NTNG1: variants seen among roughly 807,000 people sequenced by gnomAD.
NTNG1 encodes netrin G1.
In NTNG1, 16 loss-of-function variants were observed where a neutral mutation model predicts 54.0. The ratio of observed to expected loss-of-function variants is 0.30; its 90% CI spans 0.20 to 0.45. The LOEUF is 0.45. Ranked by LOEUF, NTNG1 falls within the 20% of genes least tolerant of loss-of-function variation. The probability of loss-of-function intolerance (pLI) is 1.00; values close to 1 mark genes in which losing one functional copy is unlikely to be tolerated. For missense variants in NTNG1, 530 were observed against 678.7 expected, an observed-to-expected ratio of 0.78 and a Z score of 2.43; for synonymous variants, 255 against 263.1, an observed-to-expected ratio of 0.97 and a Z score of 0.30.
In NTNG1 at chr1:107,436,652, C is replaced by T; in HGVS notation, c.1256-13C>T. 1 of 1,611,082 alleles carries T rather than the reference C, an allele frequency of 6.2e-7. No homozygotes were observed. Among genetic ancestry groups the T allele is most frequent in the Non-Finnish European group, 8.5e-7 (1 of 1,178,300 alleles). The stretch of plus-strand genomic sequence containing the variant: ...GACTTGTCTCCAGCCTGTGTGTTGT[C>T]TTGTTTCTACAGAGTGTTATTGTAA... On this transcript the variant is annotated splice_polypyrimidine_tract_variant and intron_variant, in intron 6 of 7. Transcript: ENST00000370068.
chr1:107,176,836 C>A (rs140873928), intron 2 of NTNG1, among the ~76,000 whole-genome samples: 1 of 152,158 alleles, frequency 6.6e-6, no homozygotes, highest in South Asian at 2.1e-4. Context: ...AACAAATATA[C>A]GTAGTCTAAA....
intron 7 of NTNG1, among the ~76,000 whole-genome samples, chr1:107,460,812 C>T (rs1196081933): frequency 6.6e-6 from 1 of 152,200 alleles, no homozygotes; most frequent in Non-Finnish European, 1.5e-5. Flanking sequence ...TAAAACAACA[C>T]TGCTGTGACA....
At chr1:107,155,523 A>G (rs1654922344) in intron 2 of NTNG1, among the ~76,000 whole-genome samples, 1 of 152,028 alleles carries the variant, frequency 6.6e-6, no homozygotes, top group Non-Finnish European at 1.5e-5. Flanking sequence ...ACTGTACTCC[A>G]CCATTTAGCA....
At chr1:107,151,520 T>A (rs79150696) in intron 2 of NTNG1, among the ~76,000 whole-genome samples, 7,340 of 152,208 alleles carry the variant, frequency 0.048, 569 homozygotes, top group African/African-American at 0.17. Flanking sequence ...AGCCCCTATA[T>A]GTAAATGTTT....
chr1:107,441,796 T>C (rs1675982298), intron 7 of NTNG1, among the ~76,000 whole-genome samples: 1 of 152,090 alleles, frequency 6.6e-6, no homozygotes. Context: ...TATGCAGGTG[T>C]TATGAAGACA....
At chr1:107,457,687 A>G (rs957203350) in intron 7 of NTNG1, among the ~76,000 whole-genome samples, 1 of 152,146 alleles carries the variant, frequency 6.6e-6, no homozygotes, top group African/African-American at 2.4e-5. Context: ...ACATTCTTTT[A>G]TAAATATTAC....
chr1:107,479,430 G>A (rs1678549869), intron 7 of NTNG1, among the ~76,000 whole-genome samples: 1 of 152,180 alleles, frequency 6.6e-6, no homozygotes, highest in Non-Finnish European at 1.5e-5. Context: ...GTATATGAGT[G>A]TGTAGTGTGT....
At chr1:107,191,249 C>A (rs1424286398) in intron 2 of NTNG1, among the ~76,000 whole-genome samples, 1 of 152,090 alleles carries the variant, frequency 6.6e-6, no homozygotes, top group South Asian at 2.1e-4. Flanking sequence ...CTGTTCATAT[C>A]CTTTGCCCAC....
chr1:107,158,025 G>A (rs949207029), intron 2 of NTNG1, among the ~76,000 whole-genome samples: 1 of 152,100 alleles, frequency 6.6e-6, no homozygotes, highest in African/African-American at 2.4e-5. Context: ...CTGAGTGCCT[G>A]CTTCTGTCTT....
intron 3 of NTNG1, among the ~76,000 whole-genome samples, chr1:107,359,722 T>A (rs1388807481): frequency 6.6e-6 from 1 of 152,158 alleles, no homozygotes; most frequent in East Asian, 1.9e-4. Context: ...GCATTCACTG[T>A]TCATATCATT....
At chr1:107,380,715 A>G (rs1004935536) in intron 3 of NTNG1, among the ~76,000 whole-genome samples, 2 of 152,176 alleles carry the variant, frequency 1.3e-5, no homozygotes, top group African/African-American at 4.8e-5. Context: ...CTTACTGCAC[A>G]CCAGGCGCCA....
chr1:107,214,012 T>C (rs1459454603), intron 2 of NTNG1, among the ~76,000 whole-genome samples: 1 of 152,198 alleles, frequency 6.6e-6, no homozygotes, highest in Non-Finnish European at 1.5e-5. Context: ...TCCTAATTTT[T>C]AGTTTTTCTT....
intron 2 of NTNG1, among the ~76,000 whole-genome samples, chr1:107,192,361 G>A (rs189530546): frequency 1.0e-3 from 158 of 152,088 alleles, no homozygotes; most frequent in Non-Finnish European, 1.4e-3. Context: ...CCTGCCCAGC[G>A]TGTTTCCTAA....
chr1:107,381,459 T>C (rs1480269266), intron 3 of NTNG1, among the ~76,000 whole-genome samples: 1 of 151,858 alleles, frequency 6.6e-6, no homozygotes, highest in Non-Finnish European at 1.5e-5. Flanking sequence ...CATATTCTAA[T>C]GCCTGCCTCC....
chr1:107,255,807 C>G (rs568712901), intron 2 of NTNG1, among the ~76,000 whole-genome samples: 5 of 152,166 alleles, frequency 3.3e-5, no homozygotes, highest in African/African-American at 1.2e-4. Flanking sequence ...AAAAATGAGC[C>G]CTGTTTTTCA....
At chr1:107,337,681 T>C (rs1033834782) in intron 3 of NTNG1, among the ~76,000 whole-genome samples, 1 of 152,054 alleles carries the variant, frequency 6.6e-6, no homozygotes, top group Non-Finnish European at 1.5e-5. Context: ...CTCAGCAAAG[T>C]AAAACACAGA....
At chr1:107,373,456 T>C (rs1031038580) in intron 3 of NTNG1, among the ~76,000 whole-genome samples, 2 of 152,036 alleles carry the variant, frequency 1.3e-5, no homozygotes, top group African/African-American at 4.8e-5. Context: ...ATCATTTTTG[T>C]TTTAACAATT....
At chr1:107,394,496 C>T (rs535121720) in intron 3 of NTNG1, among the ~76,000 whole-genome samples, 5 of 152,088 alleles carry the variant, frequency 3.3e-5, no homozygotes, top group Non-Finnish European at 5.9e-5. Flanking sequence ...TCTGAGAGCC[C>T]TTTGTGATTC....
At chr1:107,419,813 G>A (rs116632320) in intron 5 of NTNG1, among the ~76,000 whole-genome samples, 3,517 of 152,072 alleles carry the variant, frequency 0.023, 59 homozygotes, top group Admixed American at 0.033. Flanking sequence ...TGCATTTTCA[G>A]TCCTTGATCA....
Sources: gnomAD v4.1 joint callset for allele counts (sites outside exome capture counted in the v4.1 genomes callset) on GRCh38, gnomAD v4.1.1 for gene constraint, MANE v1.5 for transcripts, NCBI Gene and HGNC (gene_info 2026-07-23, HGNC 2026-07-21) for gene names.